DGKG: variants seen among roughly 807,000 people sequenced by gnomAD.
DGKG encodes the protein DAG kinase gamma.
In DGKG, 78 loss-of-function variants were observed where a neutral mutation model predicts 105.3. The observed-to-expected ratio is 0.74, with a 90% confidence interval of 0.62 to 0.89. DGKG has a LOEUF of 0.89. Ranked by LOEUF, DGKG falls within the 40% of genes least tolerant of loss-of-function variation. The probability of loss-of-function intolerance (pLI) is 0.00; values close to 1 mark genes in which losing one functional copy is unlikely to be tolerated. For synonymous variants in DGKG, 346 were observed against 367.1 expected, an observed-to-expected ratio of 0.94 and a Z score of 0.66; for missense variants, 958 against 1,020.1, an observed-to-expected ratio of 0.94 and a Z score of 0.83.
chr3:186,277,883 A>G (rs1722656739), intron 9 of DGKG, among the ~76,000 whole-genome samples: 1 of 152,110 alleles, frequency 6.6e-6, no homozygotes, highest in African/African-American at 2.4e-5. Context: ...GTGGGTTTTG[A>G]AAAAGCCCAA....
intron 20 of DGKG, among the ~76,000 whole-genome samples, chr3:186,222,266 C>T (rs1719620832): frequency 6.6e-6 from 1 of 152,186 alleles, no homozygotes; most frequent in Admixed American, 6.5e-5. Flanking sequence ...GCACATTTCC[C>T]CATAGAAACA....
intron 19 of DGKG, among the ~76,000 whole-genome samples, chr3:186,249,921 TA>T (rs1206281315): frequency 6.6e-6 from 1 of 151,994 alleles, no homozygotes; most frequent in East Asian, 1.9e-4. Context: ...CTCTTTCCTT[TA>T]AAAAAAATTA....
chr3:186,190,529 T>C (rs1014118508), intron 21 of DGKG, among the ~76,000 whole-genome samples: 2 of 152,204 alleles, frequency 1.3e-5, no homozygotes, highest in Non-Finnish European at 2.9e-5. Flanking sequence ...ATCCAATTGA[T>C]AAAGATTGCA....
At chr3:186,228,502 A>G (rs1238442965) in intron 20 of DGKG, among the ~76,000 whole-genome samples, 1 of 152,134 alleles carries the variant, frequency 6.6e-6, no homozygotes, top group Non-Finnish European at 1.5e-5. Context: ...GGATACCCTC[A>G]CTGTCCACTC....
intron 21 of DGKG, among the ~76,000 whole-genome samples, chr3:186,209,093 C>CTTTTTTTTTTTTTTTTTTTTTTTTTTTTT (rs34226259): frequency 1.1e-5 from 1 of 89,838 alleles, no homozygotes; most frequent in African/African-American, 4.8e-5. Context: ...GTTTACTCTT[C>CTTTTTTTTTTTTTTTTTTTTTTTTTTTTT]TTTTTTTTTT....
intron 2 of DGKG, among the ~76,000 whole-genome samples, chr3:186,309,541 C>T (rs1241275009): frequency 1.3e-5 from 2 of 152,148 alleles, no homozygotes; most frequent in Non-Finnish European, 1.5e-5. Flanking sequence ...ATTCCACAAG[C>T]AGCTTAATTA....
In DGKG at chr3:186,149,167, T is replaced by TATTC. The variant is rs2108464330; in HGVS notation, c.*922_*923insGAAT. 1.0e-6 allele frequency: 1 copy of TATTC among 984,810 alleles called. No individual in the cohort carries two copies. Among genetic ancestry groups the TATTC allele is most frequent in the African/African-American group, 1.8e-5 (1 of 57,114 alleles). The allele number at this position is 984,810 out of a possible 1,614,324, so 61.0% of individuals were successfully genotyped here. On this transcript the variant is annotated 3_prime_UTR_variant, in exon 25 of 25. Transcript: ENST00000265022. ...CCATCTTTTCTGCCTTCAGGAATAG[T>TATTC]CTGCCACCAGGGCTTGGAACTCAAA...
intron 19 of DGKG, among the ~76,000 whole-genome samples, chr3:186,245,012 A>G (rs1720871533): frequency 7.2e-6 from 1 of 138,988 alleles, no homozygotes; most frequent in Admixed American, 6.8e-5. Context: ...GTCTGTCAGG[A>G]AAAAAAAAGT....
intron 20 of DGKG, among the ~76,000 whole-genome samples, chr3:186,225,835 C>T (rs897281565): frequency 3.3e-5 from 5 of 152,222 alleles, no homozygotes; most frequent in African/African-American, 1.2e-4. Flanking sequence ...GTCTCCGCTA[C>T]TTTCTTCCTC....
intron 1 of DGKG, among the ~76,000 whole-genome samples, chr3:186,323,842 C>A (rs1396858532): frequency 6.7e-6 from 1 of 148,648 alleles, no homozygotes; most frequent in African/African-American, 2.5e-5. Context: ...GAGGCTGAGG[C>A]AGAAGAATGG....
chr3:186,160,617 T>A, intron 24 of DGKG: 1 of 985,426 alleles, frequency 1.0e-6, no homozygotes. Context: ...CAATTTGATG[T>A]TCTGGAGGGC....
At chr3:186,164,700 T>C (rs1716451403) in intron 23 of DGKG, among the ~76,000 whole-genome samples, 198 bp downstream of exon 23, 1 of 152,214 alleles carries the variant, frequency 6.6e-6, no homozygotes, top group South Asian at 2.1e-4. Flanking sequence ...TTGTGGTGTG[T>C]CCTCCAGTTG....
At chr3:186,353,557 TTATG>T (rs1181518928) in intron 1 of DGKG, among the ~76,000 whole-genome samples, 171 of 122,678 alleles carry the variant, frequency 1.4e-3, no homozygotes, top group African/African-American at 6.3e-3. Flanking sequence ...ATATATACTT[TTATG>T]TATGTATATA....
intron 3 of DGKG, among the ~76,000 whole-genome samples, chr3:186,302,076 G>A (rs781218875): frequency 1.3e-5 from 2 of 152,108 alleles, no homozygotes; most frequent in Non-Finnish European, 2.9e-5. Flanking sequence ...TTTCCAGAAA[G>A]CCTTATGATC....
chr3:186,221,146 G>C (rs1022082386), intron 20 of DGKG, among the ~76,000 whole-genome samples: 1 of 152,326 alleles, frequency 6.6e-6, no homozygotes, highest in African/African-American at 2.4e-5. Flanking sequence ...AGGCCCAGCA[G>C]CCTGACTGGA....
intron 20 of DGKG, among the ~76,000 whole-genome samples, chr3:186,233,470 G>A (rs1229811935): frequency 1.4e-5 from 2 of 146,446 alleles, no homozygotes; most frequent in Non-Finnish European, 3.1e-5. Context: ...CAGCAGTGCC[G>A]TTTTTGTCGT....
chr3:186,264,657 T>C (rs1286433412), intron 14 of DGKG, among the ~76,000 whole-genome samples: 7 of 152,224 alleles, frequency 4.6e-5, no homozygotes, highest in Admixed American at 4.6e-4. Flanking sequence ...GTGTCTCCTT[T>C]GAGCGGAGGA....
At chr3:186,283,838 GAA>G (rs1474067387) in intron 7 of DGKG, among the ~76,000 whole-genome samples, 13 of 152,196 alleles carry the variant, frequency 8.5e-5, no homozygotes, top group African/African-American at 2.9e-4. Flanking sequence ...GGTTTAGAGG[GAA>G]TTGGGATGAT....
chr3:186,182,145 G>A (rs1717390525), intron 22 of DGKG, among the ~76,000 whole-genome samples: 1 of 152,234 alleles, frequency 6.6e-6, no homozygotes, highest in Admixed American at 6.5e-5. Context: ...CACATGGGCA[G>A]CAATAGCCAA....
Sources: gnomAD v4.1 joint callset for allele counts (sites outside exome capture counted in the v4.1 genomes callset) on GRCh38, gnomAD v4.1.1 for gene constraint, MANE v1.5 for transcripts, NCBI Gene and HGNC (gene_info 2026-07-23, HGNC 2026-07-21) for gene names.